The following DIAPH2 variants were observed in gnomAD, a reference collection of about 807,000 sequenced individuals.
DIAPH2 encodes protein diaphanous homolog 2.
DIAPH2 carries 35 observed loss-of-function variants against 92.7 expected under a neutral mutation model. The observed-to-expected ratio is 0.38, with a 90% confidence interval of 0.29 to 0.50. The LOEUF is 0.50. Ranked by LOEUF, DIAPH2 falls within the 20% of genes least tolerant of loss-of-function variation. The pLI is 0.94. For missense variants in DIAPH2, 701 were observed against 819.5 expected (o/e 0.86, Z 1.77); for synonymous variants, 301 against 280.4 (o/e 1.07, Z -0.73).
chrX:97,396,728 A>T (rs186484275), intron 25 of DIAPH2, among the ~76,000 whole-genome samples: 1 of 112,308 alleles, frequency 8.9e-6, no homozygotes, highest in East Asian at 2.8e-4. Flanking sequence ...TAATTCCACA[A>T]GTATTTATTC....
intron 1 of DIAPH2, among the ~76,000 whole-genome samples, chrX:96,703,465 G>A (rs2063866485): frequency 9.0e-6 from 1 of 111,684 alleles, no homozygotes; most frequent in Non-Finnish European, 1.9e-5. Context: ...ATAACTTACT[G>A]TTTTACAGCA....
intron 23 of DIAPH2, among the ~76,000 whole-genome samples, chrX:97,288,748 A>G (rs1420149057): frequency 1.8e-5 from 2 of 109,178 alleles, no homozygotes; most frequent in Non-Finnish European, 3.8e-5. Flanking sequence ...CTCAAAAAAA[A>G]AAAAAAAAAC....
chrX:96,847,027 T>C (rs1375391829), intron 4 of DIAPH2, among the ~76,000 whole-genome samples: 1 of 111,714 alleles, frequency 9.0e-6, no homozygotes, highest in Non-Finnish European at 1.9e-5. Context: ...ATTGCCTTAT[T>C]GTCATTCTAA....
chrX:97,539,246 T>C (rs1426295161), intron 26 of DIAPH2, among the ~76,000 whole-genome samples: 1 of 111,067 alleles, frequency 9.0e-6, no homozygotes, highest in African/African-American at 3.3e-5. Flanking sequence ...CAGTGAGGCA[T>C]TGCAGCTTGA....
chrX:96,821,418 CAGA>C (rs1448548923), intron 4 of DIAPH2, among the ~76,000 whole-genome samples: 1 of 111,379 alleles, frequency 9.0e-6, no homozygotes. Context: ...CATGTGCACA[CAGA>C]AGGAAAGAGC....
At chrX:97,234,868 A>G (rs1351180735) in intron 22 of DIAPH2, among the ~76,000 whole-genome samples, 1 of 112,071 alleles carries the variant, frequency 8.9e-6, no homozygotes, top group African/African-American at 3.2e-5. Context: ...ACATATGTCT[A>G]TTTGAGGAAC....
intron 23 of DIAPH2, among the ~76,000 whole-genome samples, chrX:97,277,156 G>A (rs1241728104): frequency 9.0e-6 from 1 of 111,415 alleles, no homozygotes; most frequent in Non-Finnish European, 1.9e-5. Context: ...GGCCAACATG[G>A]GGATAACCCC....
chrX:97,011,847 G>T (rs1022430645), intron 17 of DIAPH2, among the ~76,000 whole-genome samples: 1 of 84,439 alleles, frequency 1.2e-5, no homozygotes, highest in African/African-American at 5.0e-5. Flanking sequence ...AGCCGAGATC[G>T]CATCACTGCA....
chrX:97,491,660 T>C (rs893557820), intron 26 of DIAPH2, among the ~76,000 whole-genome samples: 1 of 111,712 alleles, frequency 9.0e-6, no homozygotes, highest in African/African-American at 3.3e-5. Flanking sequence ...CCACCCAAAG[T>C]GCTGGGATTA....
chrX:97,363,819 A>G (rs2147708606), intron 24 of DIAPH2, among the ~76,000 whole-genome samples: 1 of 111,050 alleles, frequency 9.0e-6, no homozygotes, highest in South Asian at 3.9e-4. Context: ...ACAAAAGGTG[A>G]GATGTATAGC....
At chrX:96,938,063 T>C (rs1029763837) in intron 11 of DIAPH2, among the ~76,000 whole-genome samples, 9 of 111,192 alleles carry the variant, frequency 8.1e-5, no homozygotes, top group African/African-American at 2.6e-4. Flanking sequence ...CAATGATGTT[T>C]TCTTCCCTTT....
At chrX:97,385,699 A>G (rs1036610134) in intron 25 of DIAPH2, among the ~76,000 whole-genome samples, 2 of 112,072 alleles carry the variant, frequency 1.8e-5, no homozygotes, top group Non-Finnish European at 3.8e-5. Flanking sequence ...GTCTCACTAT[A>G]GAATCTTTCC....
rs752382438 is a variant in DIAPH2 at position 97,509,680 on chromosome X, C to CCCAGA, written c.3241+79936_3241+79940dup. 4.5e-3 allele frequency among the ~76,000 whole-genome samples: 474 copies of CCCAGA among 104,933 alleles called. 2 individuals are homozygous for CCCAGA. The highest frequency in any genetic ancestry group is 0.016 in the African/African-American group (450 of 28,406). The allele number at this position is 104,933 out of a possible 115,157, so 91.1% of individuals were successfully genotyped here. A position where few individuals can be genotyped will look rare whatever the true frequency, so the allele number is the denominator to read the frequency against. The stretch of plus-strand genomic sequence containing the variant: ...CCACTCCCCCCACCCCACAACAGTC[C>CCCAGA]CCAGAGTGTGATGTTCCCCTTCCTG... On this transcript the variant is annotated intron_variant, in intron 26 of 26. Coordinates refer to ENST00000324765, the MANE Select transcript of DIAPH2 (RefSeq NM_006729.5).
At chrX:97,566,087 A>G (rs1311426861) in intron 26 of DIAPH2, among the ~76,000 whole-genome samples, 2 of 112,196 alleles carry the variant, frequency 1.8e-5, no homozygotes, top group African/African-American at 3.2e-5. Flanking sequence ...TTGTACGTTT[A>G]CATCATAAGC....
chrX:97,281,770 A>T (rs1289621004), intron 23 of DIAPH2, among the ~76,000 whole-genome samples: 1 of 111,165 alleles, frequency 9.0e-6, no homozygotes, highest in Non-Finnish European at 1.9e-5. Flanking sequence ...CATACGCAAA[A>T]GGTTAAGGTA....
At chrX:96,780,369 A>G (rs2064407248) in intron 4 of DIAPH2, among the ~76,000 whole-genome samples, 1 of 112,599 alleles carries the variant, frequency 8.9e-6, no homozygotes, top group African/African-American at 3.2e-5. Context: ...TTCAATATGT[A>G]AATTTAGTAT....
At chrX:97,129,237 G>A (rs1347001943) in intron 21 of DIAPH2, among the ~76,000 whole-genome samples, 1 of 105,481 alleles carries the variant, frequency 9.5e-6, no homozygotes. Flanking sequence ...TGCAATCTGA[G>A]CTCACTGCAT....
chrX:97,387,738 C>G (rs1344360546), intron 25 of DIAPH2, among the ~76,000 whole-genome samples: 1 of 111,812 alleles, frequency 8.9e-6, no homozygotes, highest in Non-Finnish European at 1.9e-5. Context: ...AATTAACGAT[C>G]ATGAGAGGGT....
intron 4 of DIAPH2, among the ~76,000 whole-genome samples, chrX:96,792,818 CTT>C: frequency 9.0e-6 from 1 of 111,575 alleles, no homozygotes; most frequent in East Asian, 2.8e-4. Context: ...TTTAATGTAA[CTT>C]TGGAGACTTA....
Sources: allele counts gnomAD v4.1 joint callset (sites outside exome capture counted in the v4.1 genomes callset), GRCh38; gene constraint gnomAD v4.1.1; transcripts MANE v1.5; gene names NCBI Gene and HGNC (gene_info 2026-07-23, HGNC 2026-07-21).